Variants in PARN observed in about 807,000 individuals in gnomAD.
PARN encodes poly(A)-specific ribonuclease PARN.
A neutral mutation model predicts 102.8 loss-of-function variants in PARN; 71 were observed. That is an observed-to-expected ratio of 0.69 (90% CI 0.57 to 0.84). The LOEUF (loss-of-function observed/expected upper bound fraction) is 0.84. PARN is among the 40% of genes least tolerant of loss of function. PARN has a pLI of 0.00. For synonymous variants in PARN, 261 were observed against 252.9 expected (o/e 1.03, Z -0.30); for missense variants, 782 against 760.9 (o/e 1.03, Z -0.33).
At chr16:14,595,550 T>G (rs79664228) in intron 12 of PARN, among the ~76,000 whole-genome samples, 1 of 151,864 alleles carries the variant, frequency 6.6e-6, no homozygotes, top group South Asian at 2.1e-4. Flanking sequence ...TTTTTTTTTT[T>G]GAAATGCAGT....
chr16:14,551,891 C>T (rs1967327115), intron 21 of PARN, 130 bp downstream of exon 21: 1 of 613,204 alleles, frequency 1.6e-6, no homozygotes, highest in Non-Finnish European at 2.9e-6. Flanking sequence ...ATTTCAGAGA[C>T]AATCTCAAAA....
chr16:14,463,842 G>GT (rs982458378), intron 22 of PARN, among the ~76,000 whole-genome samples: 3 of 143,320 alleles, frequency 2.1e-5, no homozygotes, highest in Admixed American at 1.4e-4. Context: ...TTTTTTTGGG[G>GT]GGGGGGGGAC....
At chr16:14,487,167 A>G (rs1340089256) in intron 21 of PARN, among the ~76,000 whole-genome samples, 2 of 152,244 alleles carry the variant, frequency 1.3e-5, no homozygotes, top group African/African-American at 4.8e-5. Context: ...TAATCTTCGG[A>G]TGTTCTAGTC....
intron 18 of PARN, among the ~76,000 whole-genome samples, chr16:14,578,195 G>A (rs1239055396): frequency 2.0e-5 from 3 of 149,814 alleles, no homozygotes; most frequent in African/African-American, 7.4e-5. Flanking sequence ...AGGGCGTGGT[G>A]GTACGAGCCT....
chr16:14,535,560 A>C (rs1270911475), intron 21 of PARN, among the ~76,000 whole-genome samples: 1 of 152,256 alleles, frequency 6.6e-6, no homozygotes, highest in African/African-American at 2.4e-5. Context: ...TTTCATGATT[A>C]GAAAAAACAA....
At chr16:14,608,598 T>G (rs751558887) in intron 8 of PARN, among the ~76,000 whole-genome samples, 12 of 152,160 alleles carry the variant, frequency 7.9e-5, no homozygotes, top group Non-Finnish European at 1.6e-4. Context: ...GAGCTTAAAG[T>G]AGACAGATGC....
chr16:14,608,664 G>A (rs1191611175), intron 8 of PARN, among the ~76,000 whole-genome samples: 2 of 152,144 alleles, frequency 1.3e-5, no homozygotes, highest in South Asian at 2.1e-4. Context: ...AGACAATCAC[G>A]TTACTGACTC....
chr16:14,629,809 G>A, intron 1 of PARN, 135 bp from the exon 2 acceptor site: 4 of 726,658 alleles, frequency 5.5e-6, no homozygotes, highest in South Asian at 3.2e-5. Flanking sequence ...CCGGGGCGAG[G>A]GGAATCAAGT....
intron 11 of PARN, among the ~76,000 whole-genome samples, chr16:14,600,976 C>T (rs1970833248): frequency 6.6e-6 from 1 of 152,062 alleles, no homozygotes; most frequent in Non-Finnish European, 1.5e-5. Context: ...CCAAGACTAA[C>T]AAGTATTTGC....
chr16:14,477,508 T>A (rs1963132015), intron 22 of PARN, among the ~76,000 whole-genome samples: 1 of 150,470 alleles, frequency 6.6e-6, no homozygotes, highest in African/African-American at 2.4e-5. Flanking sequence ...CTGGGCGCGA[T>A]GGCTCACAGC....
chr16:14,564,832 C>T (rs1016907579), intron 18 of PARN, among the ~76,000 whole-genome samples: 8 of 152,114 alleles, frequency 5.3e-5, no homozygotes, highest in Non-Finnish European at 8.8e-5. Flanking sequence ...CTGCTTCTCT[C>T]AAGACTACAC....
chr16:14,450,020 C>T (rs1961378920), intron 22 of PARN, among the ~76,000 whole-genome samples: 1 of 152,188 alleles, frequency 6.6e-6, no homozygotes, highest in African/African-American at 2.4e-5. Context: ...TTATTCATTA[C>T]AGCATTATTT....
chr16:14,436,819 A>C, intron 23 of PARN, 47 bp from the exon 24 acceptor site: 1 of 1,391,602 alleles, frequency 7.2e-7, no homozygotes, highest in Non-Finnish European at 1.0e-6. Context: ...CCAGGACGGC[A>C]CCTTGAGGAG....
In PARN at chr16:14,552,098, G is replaced by T; in HGVS notation, c.1406-3C>A. On this transcript the variant is annotated splice_polypyrimidine_tract_variant and splice_region_variant and intron_variant, in intron 20 of 23. Transcript: ENST00000437198. Reference sequence around the variant, plus strand: ...AATCCAGGATATCTGAATGTTACCTGCAATCGCAAATTAAAAGTAAAGTGA... The same window carrying T: ...AATCCAGGATATCTGAATGTTACCTTCAATCGCAAATTAAAAGTAAAGTGA... The T allele has an allele frequency of 6.3e-7, 1 of 1,594,392 alleles. No homozygotes were observed. Among genetic ancestry groups the T allele is most frequent in the Non-Finnish European group, 8.6e-7 (1 of 1,163,942 alleles).
chr16:14,530,153 G>C (rs1966243281), intron 21 of PARN, among the ~76,000 whole-genome samples: 1 of 152,188 alleles, frequency 6.6e-6, no homozygotes, highest in Non-Finnish European at 1.5e-5. Flanking sequence ...AGAGGACTGT[G>C]CTTTAATCAC....
At chr16:14,608,081 A>G in intron 9 of PARN, 200 bp downstream of exon 9, 1 of 571,468 alleles carries the variant, frequency 1.7e-6, no homozygotes, top group Non-Finnish European at 3.1e-6. Flanking sequence ...TTATTTTAAG[A>G]AGCCTTAAAG....
At chr16:14,602,495 C>T (rs1357916362) in intron 11 of PARN, among the ~76,000 whole-genome samples, 1 of 152,182 alleles carries the variant, frequency 6.6e-6, no homozygotes. Flanking sequence ...ACACTCGAAA[C>T]CTCATCAGGT....
At chr16:14,583,475 A>G (rs1969653061) in intron 16 of PARN, among the ~76,000 whole-genome samples, 1 of 152,200 alleles carries the variant, frequency 6.6e-6, no homozygotes, top group Non-Finnish European at 1.5e-5. Flanking sequence ...CACCTAAGTA[A>G]TATCTTCCAC....
chr16:14,593,243 A>AT, intron 13 of PARN, 58 bp downstream of exon 13: 2 of 919,450 alleles, frequency 2.2e-6, no homozygotes, highest in South Asian at 2.7e-5. Context: ...TCATAATAAT[A>AT]TTTTTTCAGA....
Sources: allele counts gnomAD v4.1 joint callset (sites outside exome capture counted in the v4.1 genomes callset), GRCh38; gene constraint gnomAD v4.1.1; transcripts MANE v1.5; gene names NCBI Gene and HGNC (gene_info 2026-07-23, HGNC 2026-07-21).